Variants in CCDC148 observed in about 807,000 individuals in gnomAD.
The protein encoded by CCDC148 is coiled-coil domain containing 148.
Under a neutral mutation model 85.7 loss-of-function variants are expected in CCDC148, and 89 were observed. The observed-to-expected ratio is 1.04, with a 90% CI of 0.87 to 1.24. CCDC148 has a LOEUF of 1.24. Ranked by LOEUF, CCDC148 falls within the 50% of genes most tolerant of loss-of-function variation. The pLI is 0.00. For synonymous variants in CCDC148, 230 were observed against 213.9 expected (o/e 1.08, Z -0.66); for missense variants, 692 against 671.7 (o/e 1.03, Z -0.33).
intron 1 of CCDC148, among the ~76,000 whole-genome samples, chr2:158,420,915 A>C (rs542703375): frequency 6.6e-6 from 1 of 152,198 alleles, no homozygotes; most frequent in East Asian, 1.9e-4. Flanking sequence ...TAGAAAACAA[A>C]AAAAAAAGCA....
intron 1 of CCDC148, among the ~76,000 whole-genome samples, chr2:158,419,161 T>A (rs17492848): frequency 0.047 from 7,117 of 152,190 alleles, 249 homozygotes; most frequent in Non-Finnish European, 0.063. Flanking sequence ...CAGGCTTAAA[T>A]TACTCAGCTT....
chr2:158,344,558 A>T (rs1458961477), intron 3 of CCDC148, among the ~76,000 whole-genome samples: 2 of 152,130 alleles, frequency 1.3e-5, no homozygotes, highest in Non-Finnish European at 1.5e-5. Flanking sequence ...ACAAGCTATA[A>T]ATGAAGGAGA....
chr2:158,336,053 C>G (rs987393776), intron 7 of CCDC148, among the ~76,000 whole-genome samples: 2 of 152,178 alleles, frequency 1.3e-5, no homozygotes, highest in Non-Finnish European at 1.5e-5. Context: ...TATGGCATAG[C>G]AGTGCACAAC....
At chr2:158,199,543 C>A (rs985931402) in intron 11 of CCDC148, among the ~76,000 whole-genome samples, 1 of 152,076 alleles carries the variant, frequency 6.6e-6, no homozygotes, top group Non-Finnish European at 1.5e-5. Flanking sequence ...CCACGTCCGG[C>A]CTTTGATATT....
At chr2:158,377,971 C>G (rs976777754) in intron 1 of CCDC148, among the ~76,000 whole-genome samples, 1 of 151,986 alleles carries the variant, frequency 6.6e-6, no homozygotes, top group Non-Finnish European at 1.5e-5. Context: ...AATTAATAAC[C>G]CTACAATGTC....
At chr2:158,247,532 T>A (rs1339017828) in intron 10 of CCDC148, among the ~76,000 whole-genome samples, 4 of 152,072 alleles carry the variant, frequency 2.6e-5, no homozygotes, top group African/African-American at 9.7e-5. Context: ...AATGGATAAA[T>A]GCTAGCTCAC....
intron 12 of CCDC148, 112 bp downstream of exon 12, chr2:158,178,767 A>G: frequency 1.4e-6 from 1 of 728,614 alleles, no homozygotes; most frequent in Non-Finnish European, 2.3e-6. Context: ...GGAAAAGTTA[A>G]ATTTTATATA....
chr2:158,442,398 T>A (rs372306352), intron 1 of CCDC148, among the ~76,000 whole-genome samples: 1 of 152,190 alleles, frequency 6.6e-6, no homozygotes, highest in African/African-American at 2.4e-5. Context: ...TCTTAAGGTC[T>A]TAGAGCATAA....
chr2:158,450,742 T>G (rs1192666035), intron 1 of CCDC148, among the ~76,000 whole-genome samples: 1 of 152,174 alleles, frequency 6.6e-6, no homozygotes, highest in Non-Finnish European at 1.5e-5. Context: ...TCTTGTTATT[T>G]TTGTCTTTCA....
At chr2:158,358,317 C>T (rs1034567074) in intron 2 of CCDC148, 132 bp downstream of exon 2, 86 of 1,018,088 alleles carry the variant, frequency 8.4e-5, no homozygotes, top group Non-Finnish European at 1.9e-5. Flanking sequence ...AGCTGCTATT[C>T]ACTATTATTT....
intron 1 of CCDC148, among the ~76,000 whole-genome samples, chr2:158,365,639 C>T (rs542585578): frequency 6.6e-6 from 1 of 152,194 alleles, no homozygotes; most frequent in East Asian, 1.9e-4. Context: ...GGGAACATCA[C>T]ACACTGGGGC....
At chr2:158,206,261 C>A (rs1055349240) in intron 11 of CCDC148, among the ~76,000 whole-genome samples, 1 of 152,142 alleles carries the variant, frequency 6.6e-6, no homozygotes, top group Non-Finnish European at 1.5e-5. Flanking sequence ...CTAGGAGTAC[C>A]TAAGCAGTAC....
intron 10 of CCDC148, among the ~76,000 whole-genome samples, chr2:158,243,464 T>C (rs1315139500): frequency 1.3e-5 from 2 of 152,136 alleles, no homozygotes; most frequent in Non-Finnish European, 1.5e-5. Context: ...CCTCTGTGGA[T>C]TTTTTGGGAA....
chr2:158,349,139 G>A lies in CCDC148; in HGVS notation c.148-3821C>T, dbSNP rs192100175. 4.9e-3 allele frequency among the ~76,000 whole-genome samples: 741 copies of A among 152,096 alleles called. 2 individuals are homozygous for A. The highest frequency in any genetic ancestry group is 0.017 in the African/African-American group (713 of 41,538). On this transcript the variant is annotated intron_variant, in intron 2 of 13. Transcript: ENST00000283233. Reference sequence around the variant, plus strand: ...CACATCTAACTTGTTAATAATATCAGTAGTACAAATCAGACAGGTAGCTAA... The same window carrying A: ...CACATCTAACTTGTTAATAATATCAATAGTACAAATCAGACAGGTAGCTAA...
chr2:158,294,556 G>T (rs1691078912), intron 9 of CCDC148, among the ~76,000 whole-genome samples: 1 of 152,104 alleles, frequency 6.6e-6, no homozygotes, highest in African/African-American at 2.4e-5. Context: ...GAACTGCCAA[G>T]ATTATGCCTG....
intron 1 of CCDC148, among the ~76,000 whole-genome samples, chr2:158,405,359 A>C (rs1009465318): frequency 1.3e-5 from 2 of 152,182 alleles, no homozygotes; most frequent in African/African-American, 4.8e-5. Flanking sequence ...TTAAATACAA[A>C]GGAAGATATA....
At chr2:158,308,350 T>C (rs1197649140) in intron 9 of CCDC148, among the ~76,000 whole-genome samples, 1 of 152,224 alleles carries the variant, frequency 6.6e-6, no homozygotes, top group South Asian at 2.1e-4. Context: ...GTGTTTCTTA[T>C]CAGCCTGAAG....
intron 9 of CCDC148, among the ~76,000 whole-genome samples, chr2:158,298,174 A>C (rs1222535495): frequency 2.0e-5 from 3 of 152,120 alleles, no homozygotes; most frequent in African/African-American, 7.2e-5. Flanking sequence ...GATGGGGGAA[A>C]CCACTCCTGT....
intron 10 of CCDC148, among the ~76,000 whole-genome samples, chr2:158,233,448 GAATGGT>G (rs1687950950): frequency 6.6e-6 from 1 of 150,562 alleles, no homozygotes; most frequent in South Asian, 2.1e-4. Flanking sequence ...GTGAACTTCT[GAATGGT>G]AAGGAGCATG....
Sources: gnomAD v4.1 joint callset for allele counts (sites outside exome capture counted in the v4.1 genomes callset) on GRCh38, gnomAD v4.1.1 for gene constraint, MANE v1.5 for transcripts, NCBI Gene and HGNC (gene_info 2026-07-23, HGNC 2026-07-21) for gene names.